The following RBMS3 variants were observed in gnomAD, a reference collection of about 807,000 sequenced individuals.
RBMS3 encodes RNA-binding motif, single-stranded-interacting protein 3.
RBMS3 carries 27 observed loss-of-function variants against 66.8 expected under a neutral mutation model. That is an observed-to-expected ratio of 0.40 (90% CI 0.30 to 0.56). RBMS3 has a LOEUF of 0.56. Among genes scored for constraint, RBMS3 ranks in the 20% least tolerant of loss-of-function variants. RBMS3 has a pLI of 0.40. For synonymous variants in RBMS3, 188 were observed against 183.0 expected (o/e 1.03, Z -0.22); for missense variants, 513 against 549.5 (o/e 0.93, Z 0.66).
At chr3:29,325,524 GTGTA>G (rs891281454) in intron 1 of RBMS3, among the ~76,000 whole-genome samples, 4 of 151,718 alleles carry the variant, frequency 2.6e-5, no homozygotes, top group South Asian at 2.1e-4. Context: ...ATGTGTGTGT[GTGTA>G]TGTATGTATA....
At position 29,403,175 on chromosome 3, in the gene RBMS3, C is replaced by G. The variant is rs547486573; in HGVS notation, c.76-31568C>G. ...TAAAAAAGTATTCATCTTCTAATTT[C>G]CTATAGTTCATTAAGAATTGAATAT... On this transcript the variant is annotated intron_variant, in intron 1 of 14. Transcript: ENST00000383767. Among the ~76,000 whole-genome samples the G allele has an allele frequency of 9.9e-5, 15 of 152,028 alleles. No homozygotes were observed. The South Asian group carries it at 2.5e-3, about 25-fold the overall frequency.
chr3:29,578,475 C>T (rs2047199885), intron 3 of RBMS3, among the ~76,000 whole-genome samples: 2 of 152,064 alleles, frequency 1.3e-5, no homozygotes, highest in South Asian at 4.1e-4. Flanking sequence ...TCCACCGTGT[C>T]TCATAGTGAC....
At chr3:29,437,626 A>G (rs2041449595) in intron 2 of RBMS3, among the ~76,000 whole-genome samples, 1 of 152,160 alleles carries the variant, frequency 6.6e-6, no homozygotes, top group South Asian at 2.1e-4. Flanking sequence ...TTTCCTAGAG[A>G]ATCTTAAAGA....
At chr3:29,798,588 T>C (rs1576836378) in intron 6 of RBMS3, among the ~76,000 whole-genome samples, 1 of 152,164 alleles carries the variant, frequency 6.6e-6, no homozygotes, top group Non-Finnish European at 1.5e-5. Context: ...CAGAATGGAA[T>C]AGGAGGTGTT....
At chr3:29,730,541 G>A (rs2054086005) in intron 4 of RBMS3, among the ~76,000 whole-genome samples, 1 of 152,146 alleles carries the variant, frequency 6.6e-6, no homozygotes, top group African/African-American at 2.4e-5. Context: ...GTAATTAGTA[G>A]TGTATCATAG....
intron 2 of RBMS3, among the ~76,000 whole-genome samples, chr3:29,445,540 G>A (rs1204161397): frequency 1.3e-5 from 2 of 152,020 alleles, no homozygotes; most frequent in African/African-American, 2.4e-5. Context: ...AATGGTGTTT[G>A]CTGAATTTTG....
intron 4 of RBMS3, among the ~76,000 whole-genome samples, chr3:29,652,357 A>T (rs1044820221): frequency 6.6e-5 from 10 of 152,164 alleles, no homozygotes; most frequent in African/African-American, 2.4e-4. Context: ...TCATATAAAT[A>T]ACAATTATTT....
At chr3:29,644,373 G>A (rs2049839525) in intron 4 of RBMS3, among the ~76,000 whole-genome samples, 1 of 152,132 alleles carries the variant, frequency 6.6e-6, no homozygotes. Flanking sequence ...CAGTAATTGT[G>A]GGAGGTATAT....
intron 2 of RBMS3, among the ~76,000 whole-genome samples, chr3:29,463,164 T>G (rs1344397150): frequency 6.6e-6 from 1 of 152,188 alleles, no homozygotes; most frequent in African/African-American, 2.4e-5. Flanking sequence ...TCTCCAGAGC[T>G]TCTATTCAGC....
chr3:29,461,561 C>T (rs543698709), intron 2 of RBMS3, among the ~76,000 whole-genome samples: 1 of 152,310 alleles, frequency 6.6e-6, no homozygotes, highest in African/African-American at 2.4e-5. Context: ...GGTAATATTA[C>T]AACACCGTAT....
chr3:29,704,067 G>C (rs1240370183), intron 4 of RBMS3, among the ~76,000 whole-genome samples: 1 of 152,198 alleles, frequency 6.6e-6, no homozygotes, highest in East Asian at 1.9e-4. Flanking sequence ...AGATTGGACT[G>C]TCTAGTTGCA....
intron 4 of RBMS3, among the ~76,000 whole-genome samples, chr3:29,725,853 AC>A (rs1470535352): frequency 6.6e-6 from 1 of 152,122 alleles, no homozygotes; most frequent in Non-Finnish European, 1.5e-5. Context: ...TCCCTAACTC[AC>A]CCTATGAGGC....
chr3:29,998,123 T>A (rs1699371347), intron 14 of RBMS3, among the ~76,000 whole-genome samples: 1 of 152,092 alleles, frequency 6.6e-6, no homozygotes, highest in South Asian at 2.1e-4. Flanking sequence ...TATACACCAA[T>A]AACAGACAAA....
intron 1 of RBMS3, among the ~76,000 whole-genome samples, chr3:29,357,976 A>C (rs1402392601): frequency 6.6e-6 from 1 of 152,176 alleles, no homozygotes; most frequent in East Asian, 1.9e-4. Flanking sequence ...GTAGATTACA[A>C]AAATTTTCTC....
At chr3:29,308,921 A>AG (rs1426218103) in intron 1 of RBMS3, among the ~76,000 whole-genome samples, 6 of 151,636 alleles carry the variant, frequency 4.0e-5, no homozygotes, top group Admixed American at 6.6e-5. Context: ...TTTTAAGTGC[A>AG]GGTGATATTA....
At chr3:29,934,344 T>C (rs1300021567) in intron 10 of RBMS3, among the ~76,000 whole-genome samples, 1 of 151,994 alleles carries the variant, frequency 6.6e-6, no homozygotes, top group African/African-American at 2.4e-5. Context: ...CCATCTTAAC[T>C]CTGAGGTTAT....
intron 4 of RBMS3, among the ~76,000 whole-genome samples, chr3:29,699,628 A>G (rs1299379541): frequency 1.3e-5 from 2 of 152,160 alleles, no homozygotes; most frequent in Non-Finnish European, 2.9e-5. Context: ...CTCAGTTAAC[A>G]TTGTGACGTA....
At chr3:29,992,081 C>A (rs540374809) in intron 14 of RBMS3, among the ~76,000 whole-genome samples, 4 of 152,218 alleles carry the variant, frequency 2.6e-5, no homozygotes, top group South Asian at 4.2e-4. Flanking sequence ...AGTGTCTTGG[C>A]ATGCAAACTA....
At chr3:29,947,335 T>G (rs1377439876) in intron 12 of RBMS3, among the ~76,000 whole-genome samples, 3 of 151,658 alleles carry the variant, frequency 2.0e-5, no homozygotes, top group Non-Finnish European at 4.4e-5. Flanking sequence ...TTCTTCGTTC[T>G]TTGCCATTAA....
Sources: allele counts gnomAD v4.1 joint callset (sites outside exome capture counted in the v4.1 genomes callset), GRCh38; gene constraint gnomAD v4.1.1; transcripts MANE v1.5; gene names NCBI Gene and HGNC (gene_info 2026-07-23, HGNC 2026-07-21).